Variants in GPHN observed in about 807,000 individuals in gnomAD.
GPHN encodes gephyrin.
Under a neutral mutation model 95.5 loss-of-function variants are expected in GPHN, and 17 were observed. That is an observed-to-expected ratio of 0.18 (90% confidence interval 0.12 to 0.27). The LOEUF is 0.27. Among genes scored for constraint, GPHN ranks in the 10% least tolerant of loss-of-function variants. The pLI is 1.00. For missense variants in GPHN, 660 were observed against 978.1 expected (o/e 0.67, Z 4.34); for synonymous variants, 320 against 322.5 (o/e 0.99, Z 0.08).
chr14:66,968,923 T>A (rs765112607), intron 9 of GPHN: 2 of 147,742 alleles, frequency 1.4e-5, no homozygotes, highest in Non-Finnish European at 3.0e-5. Flanking sequence ...TATATAGATA[T>A]ATTGCAGTAT....
At chr14:67,398,099 C>T in the GPHN span, 5 of 313,394 alleles carry the variant, frequency 1.6e-5, no homozygotes, top group Non-Finnish European at 2.9e-5. Flanking sequence ...TGTAATCCTA[C>T]TGCTAGGAGA....
chr14:66,704,913 G>A (rs1443171569), intron 2 of GPHN, among the ~76,000 whole-genome samples: 2 of 127,950 alleles, frequency 1.6e-5, no homozygotes, highest in African/African-American at 7.3e-5. Flanking sequence ...TAGATAGACT[G>A]CTAGCCAGAC....
the GPHN span, chr14:67,615,746 T>G: frequency 2.0e-6 from 1 of 490,008 alleles, no homozygotes; most frequent in Non-Finnish European, 3.9e-6. Context: ...ACAAAAAAAG[T>G]TTAAGGATCC....
At chr14:67,058,811 C>CT in intron 11 of GPHN, 25 bp downstream of exon 11, 2 of 1,603,386 alleles carry the variant, frequency 1.2e-6, no homozygotes, top group Non-Finnish European at 1.7e-6. Context: ...GACCATTGCC[C>CT]TTTCTTTTCT....
intron 16 of GPHN, among the ~76,000 whole-genome samples, chr14:67,116,344 AAG>A (rs1555495367): frequency 6.6e-6 from 1 of 151,682 alleles, no homozygotes; most frequent in African/African-American, 2.4e-5. Context: ...GGAAAAGAAA[AAG>A]GGGAAGGGGA....
chr14:66,695,472 G>C (rs1455041569), intron 2 of GPHN, among the ~76,000 whole-genome samples: 1 of 152,184 alleles, frequency 6.6e-6, no homozygotes, highest in Non-Finnish European at 1.5e-5. Context: ...CAGTTCAGTG[G>C]TTTTTTAACA....
At chr14:66,637,893 T>C (rs1328164127) in intron 1 of GPHN, among the ~76,000 whole-genome samples, 4 of 152,110 alleles carry the variant, frequency 2.6e-5, no homozygotes, top group Non-Finnish European at 5.9e-5. Context: ...GTTTTACTTT[T>C]GAGTTTCTGT....
chr14:67,174,122 T>G (rs1249406581), intron 21 of GPHN, among the ~76,000 whole-genome samples: 1 of 152,232 alleles, frequency 6.6e-6, no homozygotes, highest in Non-Finnish European at 1.5e-5. Flanking sequence ...GTGCACAACG[T>G]GCAGGTTTGT....
At chr14:67,061,754 C>G (rs2075832341) in intron 11 of GPHN, among the ~76,000 whole-genome samples, 1 of 152,120 alleles carries the variant, frequency 6.6e-6, no homozygotes, top group Non-Finnish European at 1.5e-5. Context: ...TCAAGCGATC[C>G]TCTCGCCTTA....
chr14:66,514,710 CATT>C (rs2058171535), intron 1 of GPHN, among the ~76,000 whole-genome samples: 1 of 151,942 alleles, frequency 6.6e-6, no homozygotes, highest in African/African-American at 2.4e-5. Flanking sequence ...ATTTTTGTGA[CATT>C]AATCTTTCTG....
chr14:67,201,492 A>G, the GPHN span: 1 of 456,024 alleles, frequency 2.2e-6, no homozygotes, highest in African/African-American at 2.0e-5. Context: ...AGTAGAAGAT[A>G]TTCATCTCAT....
chr14:66,863,860 A>C (rs2063127786), intron 4 of GPHN, among the ~76,000 whole-genome samples: 2 of 152,232 alleles, frequency 1.3e-5, no homozygotes, highest in Admixed American at 1.3e-4. Flanking sequence ...AAAACTGTGA[A>C]ACCATTACAT....
intron 1 of GPHN, among the ~76,000 whole-genome samples, chr14:66,572,281 G>A (rs2060723665): frequency 6.6e-6 from 1 of 152,136 alleles, no homozygotes; most frequent in Admixed American, 6.5e-5. Flanking sequence ...TTCTAAATCT[G>A]TGAAAAATGC....
At chr14:67,356,451 AAAC>A in the GPHN span, among the ~76,000 whole-genome samples, 21 of 111,814 alleles carry the variant, frequency 1.9e-4, no homozygotes, top group African/African-American at 1.1e-3. Flanking sequence ...AAAAAAACAA[AAAC>A]AAACAAACAC....
At chr14:67,705,308 T>C in the GPHN span, among the ~76,000 whole-genome samples, 1 of 152,206 alleles carries the variant, frequency 6.6e-6, no homozygotes. Flanking sequence ...TTTAAGACAA[T>C]CAGTAACACT....
intron 18 of GPHN, among the ~76,000 whole-genome samples, chr14:67,148,312 A>G (rs1015846709): frequency 6.6e-5 from 10 of 152,174 alleles, no homozygotes; most frequent in Non-Finnish European, 1.2e-4. Flanking sequence ...AAAGAAGCAC[A>G]TCAAAACTCA....
the GPHN span, among the ~76,000 whole-genome samples, chr14:67,599,175 C>T: frequency 6.6e-6 from 1 of 152,156 alleles, no homozygotes. Context: ...AAATAAATAG[C>T]CCTGCTGTAC....
the GPHN span, among the ~76,000 whole-genome samples, chr14:67,339,304 C>CT: frequency 6.6e-6 from 1 of 152,000 alleles, no homozygotes; most frequent in Non-Finnish European, 1.5e-5. Flanking sequence ...GCCTAGAAGC[C>CT]TTTATTAGGT....
intron 10 of GPHN, among the ~76,000 whole-genome samples, chr14:67,034,714 T>C (rs1452113653): frequency 1.3e-5 from 2 of 152,038 alleles, no homozygotes; most frequent in African/African-American, 2.4e-5. Flanking sequence ...AATATTATAC[T>C]GAAAGAACAG....
Sources: allele counts gnomAD v4.1 joint callset (sites outside exome capture counted in the v4.1 genomes callset), GRCh38; gene constraint gnomAD v4.1.1; transcripts MANE v1.5; gene names NCBI Gene and HGNC (gene_info 2026-07-23, HGNC 2026-07-21).